PHKB: variants seen among roughly 807,000 people sequenced by gnomAD.
PHKB encodes phosphorylase b kinase regulatory subunit beta.
A neutral mutation model predicts 152.1 loss-of-function variants in PHKB; 122 were observed. That is an observed-to-expected ratio of 0.80 (90% CI 0.69 to 0.93). The LOEUF is 0.93. Ranked by LOEUF, PHKB falls within the 40% of genes least tolerant of loss-of-function variation. The pLI is 0.00. For missense variants in PHKB, 1,304 were observed against 1,328.4 expected (o/e 0.98, Z 0.29); for synonymous variants, 436 against 464.9 (o/e 0.94, Z 0.80).
chr16:47,561,125 A>G (rs1328942397), intron 7 of PHKB, among the ~76,000 whole-genome samples: 2 of 152,244 alleles, frequency 1.3e-5, no homozygotes, highest in Non-Finnish European at 2.9e-5. Flanking sequence ...CAAATTCAGC[A>G]AAATTCTGCA....
At chr16:47,650,272 G>A (rs1973211559) in intron 18 of PHKB, among the ~76,000 whole-genome samples, 1 of 152,076 alleles carries the variant, frequency 6.6e-6, no homozygotes, top group Non-Finnish European at 1.5e-5. Context: ...TTAAAAAAAA[G>A]AGGGGGAAAA....
chr16:47,528,618 G>T (rs911845417), intron 6 of PHKB, among the ~76,000 whole-genome samples: 1 of 151,322 alleles, frequency 6.6e-6, no homozygotes, highest in Non-Finnish European at 1.5e-5. Context: ...CATGGATAAG[G>T]TATCATGTAA....
intron 8 of PHKB, among the ~76,000 whole-genome samples, chr16:47,587,028 G>T (rs1474814477): frequency 2.0e-5 from 3 of 152,098 alleles, no homozygotes; most frequent in East Asian, 1.9e-4. Context: ...CTGTGTCAGA[G>T]ACTTGATTTT....
chr16:47,647,000 A>C (rs1021741152), intron 16 of PHKB, among the ~76,000 whole-genome samples: 10 of 152,166 alleles, frequency 6.6e-5, no homozygotes, highest in African/African-American at 2.4e-4. Context: ...TTCCAAGACT[A>C]TCTGTTTTTA....
At chr16:47,628,710 G>A (rs924449297) in intron 14 of PHKB, among the ~76,000 whole-genome samples, 1 of 152,004 alleles carries the variant, frequency 6.6e-6, no homozygotes, top group Non-Finnish European at 1.5e-5. Context: ...AGCCCGCATC[G>A]CCAAGTCTAT....
chr16:47,617,095 A>T (rs554275258), intron 14 of PHKB, among the ~76,000 whole-genome samples: 1 of 151,876 alleles, frequency 6.6e-6, no homozygotes, highest in African/African-American at 2.4e-5. Flanking sequence ...AGTCCTGCAG[A>T]GATTTTGTTT....
chr16:47,612,869 G>T (rs1159878632), intron 14 of PHKB, among the ~76,000 whole-genome samples: 1 of 152,110 alleles, frequency 6.6e-6, no homozygotes, highest in East Asian at 1.9e-4. Flanking sequence ...TCTGTTCCCG[G>T]GGCTGGGTGA....
chr16:47,547,489 C>T lies in PHKB; in HGVS notation c.651C>T (p.Asp217=). Residue 217 remains aspartate, a synonymous_variant, in exon 7 of 31, where the codon GAC becomes GAT. Transcript: ENST00000323584. ...FCVERVYRVP[D]FGVWERGSKY... Reference sequence around the variant, plus strand: ...TGGAAAGAGTTTACCGTGTGCCTGACTTTGGTGTCTGGGAAAGAGGAAGCA... The same window carrying T: ...TGGAAAGAGTTTACCGTGTGCCTGATTTTGGTGTCTGGGAAAGAGGAAGCA... The T allele has an allele frequency of 6.2e-7, 1 of 1,612,924 alleles. No individual in the cohort carries two copies. Among genetic ancestry groups the T allele is most frequent in the South Asian group, 1.1e-5 (1 of 91,058 alleles).
At chr16:47,693,582 A>G (rs1974100643) in intron 28 of PHKB, 75 bp downstream of exon 28, 2 of 1,484,060 alleles carry the variant, frequency 1.3e-6, no homozygotes, top group Admixed American at 1.7e-5. Context: ...TTGCACTGCA[A>G]ATAACTTTTC....
intron 6 of PHKB, among the ~76,000 whole-genome samples, chr16:47,531,644 A>G (rs942378127): frequency 2.0e-5 from 3 of 152,344 alleles, no homozygotes; most frequent in East Asian, 3.9e-4. Context: ...TTGGCTTAAT[A>G]GAAGACACTT....
chr16:47,512,358 A>C (rs1970525232), intron 5 of PHKB, among the ~76,000 whole-genome samples: 1 of 152,228 alleles, frequency 6.6e-6, no homozygotes, highest in Non-Finnish European at 1.5e-5. Context: ...TGGATAGATT[A>C]TAAAATTATT....
rs1567319443 is a variant in PHKB, at chr16:47,594,233, G to GAAATTCT, written c.1204+20_1204+26dup. On this transcript the variant is annotated intron_variant, in intron 12 of 30. Transcript: ENST00000323584. ...ACAGAAGGTATAGTTGTTTTTTTAA[G>GAAATTCT]AAATTCTTCCTACCAACATTTCCTG... 1 of 1,259,486 alleles carries GAAATTCT rather than the reference G, an allele frequency of 7.9e-7. No homozygotes were observed. The highest frequency in any genetic ancestry group is 2.3e-5 in the East Asian group (1 of 43,112). 78.0% of individuals were successfully genotyped at this position (1,259,486 alleles called of 1,614,324 possible). A position where few individuals can be genotyped will look rare whatever the true frequency, so the allele number is the denominator to read the frequency against.
intron 1 of PHKB, among the ~76,000 whole-genome samples, chr16:47,472,936 AAAAT>A (rs1969799063): frequency 6.6e-6 from 1 of 152,146 alleles, no homozygotes; most frequent in Non-Finnish European, 1.5e-5. Context: ...CCCTGTCTCA[AAAAT>A]AAATAAAAAG....
intron 4 of PHKB, among the ~76,000 whole-genome samples, chr16:47,504,932 G>A (rs1170761981): frequency 6.6e-6 from 1 of 152,210 alleles, no homozygotes; most frequent in Non-Finnish European, 1.5e-5. Flanking sequence ...CCTGAAAGAT[G>A]ATGAACTGTG....
At chr16:47,503,904 A>G (rs1970367285) in intron 4 of PHKB, among the ~76,000 whole-genome samples, 1 of 152,238 alleles carries the variant, frequency 6.6e-6, no homozygotes, top group Admixed American at 6.5e-5. Context: ...ACATAACAAC[A>G]TTTAAAAAAC....
At chr16:47,569,131 C>A (rs1354564497) in intron 7 of PHKB, among the ~76,000 whole-genome samples, 4 of 152,156 alleles carry the variant, frequency 2.6e-5, no homozygotes, top group Admixed American at 2.6e-4. Context: ...AAGTCTCCTA[C>A]TATTATTGTC....
intron 6 of PHKB, among the ~76,000 whole-genome samples, chr16:47,532,914 G>A (rs997984405): frequency 8.5e-5 from 13 of 152,228 alleles, no homozygotes; most frequent in Non-Finnish European, 1.6e-4. Context: ...TGGAGGGTGA[G>A]CAAAATGAAG....
intron 26 of PHKB, 79 bp from the exon 27 acceptor site, chr16:47,688,962 T>A: frequency 6.8e-7 from 1 of 1,476,310 alleles, no homozygotes; most frequent in Non-Finnish European, 9.5e-7. Context: ...GTCAGTGCTA[T>A]TAAGGGCATT....
intron 1 of PHKB, among the ~76,000 whole-genome samples, chr16:47,466,342 C>T (rs1969668967): frequency 6.6e-6 from 1 of 152,178 alleles, no homozygotes; most frequent in Non-Finnish European, 1.5e-5. Context: ...CCTTAGATTG[C>T]TTCCGTTTCT....
Sources: gnomAD v4.1 joint callset for allele counts (sites outside exome capture counted in the v4.1 genomes callset) on GRCh38, gnomAD v4.1.1 for gene constraint, MANE v1.5 for transcripts, NCBI Gene and HGNC (gene_info 2026-07-23, HGNC 2026-07-21) for gene names.